CDK19: variants seen among roughly 807,000 people sequenced by gnomAD.
The protein encoded by CDK19 is cyclin dependent kinase 19.
Under a neutral mutation model 68.3 loss-of-function variants are expected in CDK19, and 20 were observed. The ratio of observed to expected loss-of-function variants is 0.29; its 90% CI spans 0.21 to 0.43. The LOEUF (loss-of-function observed/expected upper bound fraction) is 0.43, where lower values mean the gene tolerates loss of function less well. CDK19 is among the 20% of genes least tolerant of loss of function. The pLI, the probability that CDK19 is intolerant of heterozygous loss-of-function variation, is 1.00. For missense variants in CDK19, 339 were observed against 623.5 expected (o/e 0.54, Z 4.86); for synonymous variants, 221 against 222.8 (o/e 0.99, Z 0.07).
intron 2 of CDK19, among the ~76,000 whole-genome samples, chr6:110,676,297 G>A (rs1256679049): frequency 1.3e-5 from 2 of 151,692 alleles, no homozygotes; most frequent in African/African-American, 4.9e-5. Flanking sequence ...CTTATGGATG[G>A]GCAAAGAAAG....
At chr6:110,700,247 A>T (rs9320343) in intron 2 of CDK19, among the ~76,000 whole-genome samples, 2,120 of 152,302 alleles carry the variant, frequency 0.014, 52 homozygotes, top group African/African-American at 0.049. Flanking sequence ...CTATGGTGAG[A>T]TGTATAATTA....
intron 2 of CDK19, among the ~76,000 whole-genome samples, chr6:110,688,073 A>G (rs1772643135): frequency 6.6e-6 from 1 of 152,082 alleles, no homozygotes. Flanking sequence ...CACAACGGGG[A>G]AAGGTTCTTT....
At chr6:110,728,600 T>C (rs1480000179) in intron 2 of CDK19, among the ~76,000 whole-genome samples, 1 of 151,838 alleles carries the variant, frequency 6.6e-6, no homozygotes, top group Non-Finnish European at 1.5e-5. Flanking sequence ...TTTGACTGTG[T>C]CATTTCCCTG....
chr6:110,702,368 G>A (rs1282928009), intron 2 of CDK19, among the ~76,000 whole-genome samples: 1 of 152,122 alleles, frequency 6.6e-6, no homozygotes, highest in African/African-American at 2.4e-5. Context: ...ACAACTGCTT[G>A]AGCCTGGGTG....
At chr6:110,637,310 G>C (rs1779843016) in intron 5 of CDK19, among the ~76,000 whole-genome samples, 1 of 152,148 alleles carries the variant, frequency 6.6e-6, no homozygotes, top group Non-Finnish European at 1.5e-5. Flanking sequence ...AATAAAAATA[G>C]ACAAGTGAGA....
chr6:110,811,680 T>G (rs532290117), intron 1 of CDK19, among the ~76,000 whole-genome samples: 2 of 152,302 alleles, frequency 1.3e-5, no homozygotes, highest in Admixed American at 1.3e-4. Context: ...AAAATTTATT[T>G]TATGAATTCT....
intron 4 of CDK19, among the ~76,000 whole-genome samples, chr6:110,650,294 C>A (rs566781221): frequency 1.3e-5 from 2 of 151,870 alleles, no homozygotes; most frequent in African/African-American, 4.8e-5. Flanking sequence ...TGGGAGGAGC[C>A]AGGAGGATAG....
chr6:110,613,586 G>A lies in CDK19; in HGVS notation c.*949C>T, dbSNP rs1021910007. On this transcript the variant is annotated 3_prime_UTR_variant, in exon 13 of 13. Coordinates refer to ENST00000368911, the MANE Select transcript of CDK19 (RefSeq NM_015076.5). The stretch of plus-strand genomic sequence containing the variant: ...AAACCAATGGTTCTTTAGAGAAGCC[G>A]ACTTTATGTACAATACACACTAAAA... The A allele has an allele frequency of 2.6e-5, 4 of 152,514 alleles. No individual in the cohort carries two copies. The highest frequency in any genetic ancestry group is 9.7e-5 in the African/African-American group (4 of 41,414). The allele number at this position is 152,514 out of a possible 1,614,324, so 9.4% of individuals were successfully genotyped here.
intron 4 of CDK19, among the ~76,000 whole-genome samples, chr6:110,667,103 G>T (rs766117623): frequency 2.0e-5 from 3 of 152,088 alleles, no homozygotes; most frequent in Non-Finnish European, 4.4e-5. Context: ...TTTTACTAAT[G>T]ATGAGCAATA....
chr6:110,812,811 G>C (rs9481115), intron 1 of CDK19, among the ~76,000 whole-genome samples: 5,209 of 92,672 alleles, frequency 0.056, 417 homozygotes, highest in East Asian at 0.45. Flanking sequence ...GTTTAAAACA[G>C]TAAAAAAAAA....
chr6:110,742,145 C>G (rs1019695379), intron 2 of CDK19, among the ~76,000 whole-genome samples: 3 of 152,116 alleles, frequency 2.0e-5, no homozygotes, highest in Non-Finnish European at 2.9e-5. Flanking sequence ...CGGCTGGAGC[C>G]GCAGCAGAGG....
At chr6:110,780,370 CAG>C (rs1293502554) in intron 1 of CDK19, among the ~76,000 whole-genome samples, 2 of 136,892 alleles carry the variant, frequency 1.5e-5, no homozygotes, top group Admixed American at 7.8e-5. Flanking sequence ...AGCCTGATGA[CAG>C]AGTGACACTC....
At position 110,793,543 on chromosome 6, in the gene CDK19, T is replaced by C. The variant is rs75259990; in HGVS notation, c.128+21466A>G. Among the ~76,000 whole-genome samples the C allele has an allele frequency of 5.4e-3, 818 of 152,328 alleles. 10 individuals carry two copies. The highest frequency in any genetic ancestry group is 0.018 in the African/African-American group (767 of 41,570). ...GACAGTTATAGTTCATAAATTGTAC[T>C]TATCATTAAGAATGTGGGTTTTAAC... On this transcript the variant is annotated intron_variant, in intron 1 of 12. Transcript: ENST00000368911.
intron 6 of CDK19, among the ~76,000 whole-genome samples, chr6:110,627,654 G>A (rs1779174535): frequency 6.6e-6 from 1 of 152,126 alleles, no homozygotes; most frequent in African/African-American, 2.4e-5. Flanking sequence ...CAGACTATGG[G>A]TGTGTGCTAC....
chr6:110,625,136 G>A (rs139429326), intron 8 of CDK19, among the ~76,000 whole-genome samples: 4,927 of 152,068 alleles, frequency 0.032, 417 homozygotes, highest in Admixed American at 0.19. Context: ...CTAGAATCTC[G>A]CTACACAAAT....
chr6:110,814,839 G>C (rs13204468), intron 1 of CDK19, 170 bp downstream of exon 1: 2 of 845,594 alleles, frequency 2.4e-6, no homozygotes, highest in Non-Finnish European at 3.7e-6. Flanking sequence ...CCGCGCGGGG[G>C]AGGCGGGCGG....
chr6:110,784,151 T>A (rs770010341), intron 1 of CDK19, among the ~76,000 whole-genome samples: 10 of 121,758 alleles, frequency 8.2e-5, no homozygotes, highest in Non-Finnish European at 1.5e-4. Flanking sequence ...AGAGCAAGAC[T>A]TCGTCTCAAA....
intron 2 of CDK19, among the ~76,000 whole-genome samples, chr6:110,680,217 T>TA (rs1247467945): frequency 6.6e-6 from 1 of 152,162 alleles, no homozygotes; most frequent in African/African-American, 2.4e-5. Context: ...TGGCTTGAGG[T>TA]AAAGAGCAGC....
At chr6:110,784,090 C>T (rs919134797) in intron 1 of CDK19, among the ~76,000 whole-genome samples, 1 of 138,624 alleles carries the variant, frequency 7.2e-6, no homozygotes, top group Non-Finnish European at 1.5e-5. Context: ...GCTGGGGAGG[C>T]AGAGGCTGCA....
Sources: gnomAD v4.1 joint callset for allele counts (sites outside exome capture counted in the v4.1 genomes callset) on GRCh38, gnomAD v4.1.1 for gene constraint, MANE v1.5 for transcripts, NCBI Gene and HGNC (gene_info 2026-07-23, HGNC 2026-07-21) for gene names.